The following KLF12 variants were observed in gnomAD, a reference collection of about 807,000 sequenced individuals.
The protein encoded by KLF12 is Krueppel-like factor 12.
Under a neutral mutation model 37.8 loss-of-function variants are expected in KLF12, and 9 were observed. That is an observed-to-expected ratio of 0.24 (90% CI 0.14 to 0.42). The LOEUF (loss-of-function observed/expected upper bound fraction) is 0.42. KLF12 is among the 10% of genes least tolerant of loss of function. The probability of loss-of-function intolerance (pLI) is 1.00; values close to 1 mark genes in which losing one functional copy is unlikely to be tolerated. For missense variants in KLF12, 411 were observed against 516.0 expected (o/e 0.80, Z 1.97); for synonymous variants, 208 against 202.1 (o/e 1.03, Z -0.25).
At chr13:73,698,722 G>A (rs761153249) in intron 7 of KLF12, among the ~76,000 whole-genome samples, 2 of 152,202 alleles carry the variant, frequency 1.3e-5, no homozygotes, top group Non-Finnish European at 2.9e-5. Flanking sequence ...AGATGGAAGA[G>A]TTGAATAGCT....
intron 1 of KLF12, among the ~76,000 whole-genome samples, chr13:74,037,771 T>C (rs1470773303): frequency 6.6e-6 from 1 of 152,194 alleles, no homozygotes; most frequent in Non-Finnish European, 1.5e-5. Context: ...ATGTGTAAAC[T>C]GATCATGGAT....
chr13:73,904,366 C>T (rs188234460), intron 3 of KLF12, among the ~76,000 whole-genome samples: 101 of 151,214 alleles, frequency 6.7e-4, no homozygotes, highest in African/African-American at 2.4e-3. Flanking sequence ...TTTAATCTAT[C>T]GTAAATGCAA....
At position 73,813,388 on chromosome 13, in the gene KLF12, A is replaced by G; in HGVS notation, c.671-101T>C. ...TATGGAACTTCTGTGCATATCATGC[A>G]AATGGAATTCTCTAGACATCACAGG... On this transcript the variant is annotated intron_variant, in intron 4 of 7. Transcript: ENST00000377669. 4 of 1,278,024 alleles carry G rather than the reference A, an allele frequency of 3.1e-6. No individual in the cohort carries two copies. The South Asian group carries it at 5.3e-5, about 17-fold the overall frequency. The allele number at this position is 1,278,024 out of a possible 1,614,324, so 79.2% of individuals were successfully genotyped here.
At chr13:73,777,833 T>C (rs1880712327) in intron 5 of KLF12, among the ~76,000 whole-genome samples, 1 of 152,044 alleles carries the variant, frequency 6.6e-6, no homozygotes, top group Non-Finnish European at 1.5e-5. Context: ...TCTGTCTTTT[T>C]TTTAAAGAAA....
At chr13:73,790,871 G>T (rs1881644100) in intron 5 of KLF12, among the ~76,000 whole-genome samples, 1 of 152,166 alleles carries the variant, frequency 6.6e-6, no homozygotes. Context: ...AGGAGTAAGG[G>T]CTCTCAGCCT....
At chr13:74,148,915 G>C in the KLF12 span, among the ~76,000 whole-genome samples, 1 of 150,928 alleles carries the variant, frequency 6.6e-6, no homozygotes, top group South Asian at 2.1e-4. Flanking sequence ...CCCGGGTTCA[G>C]GCAATTCTCC....
Position 73,715,511 on chromosome 13 carries a change from A to C in KLF12, c.884T>G (p.Phe295Cys). The C allele has an allele frequency of 6.2e-7, 1 of 1,613,354 alleles. No homozygotes were observed. The highest frequency in any genetic ancestry group is 8.5e-7 in the Non-Finnish European group (1 of 1,179,742). Residue 295 changes from phenylalanine to cysteine, a missense_variant, in exon 7 of 8, where the codon TTT becomes TGT. By Grantham distance (205) the Phe-to-Cys change is radical. Transcript: ENST00000377669. ...CTGGCGTCTTGTGCTCTCAATACTA[A>C]ATGGTGAAATTGAACTGGAAAAAGA...
intron 1 of KLF12, among the ~76,000 whole-genome samples, chr13:74,098,469 G>A (rs1876110481): frequency 6.6e-6 from 1 of 152,148 alleles, no homozygotes; most frequent in African/African-American, 2.4e-5. Context: ...TCTCATTCAG[G>A]TTCCTACCTC....
the KLF12 span, among the ~76,000 whole-genome samples, chr13:74,278,545 T>A: frequency 6.6e-6 from 1 of 152,200 alleles, no homozygotes; most frequent in East Asian, 1.9e-4. Flanking sequence ...GTCCACAGTG[T>A]CCTCCAAACA....
chr13:74,087,221 T>C (rs1220897712), intron 1 of KLF12, among the ~76,000 whole-genome samples: 1 of 151,996 alleles, frequency 6.6e-6, no homozygotes, highest in South Asian at 2.1e-4. Flanking sequence ...GAGTCTCAGA[T>C]AGAAACACAA....
At chr13:74,292,201 C>T in the KLF12 span, among the ~76,000 whole-genome samples, 12 of 152,198 alleles carry the variant, frequency 7.9e-5, no homozygotes, top group Non-Finnish European at 1.8e-4. Flanking sequence ...AGAGCTCTCT[C>T]TCTAGTAACA....
intron 7 of KLF12, among the ~76,000 whole-genome samples, chr13:73,714,617 A>AT (rs1237344979): frequency 6.6e-6 from 1 of 152,072 alleles, no homozygotes; most frequent in African/African-American, 2.4e-5. Context: ...CCCTCTTCCT[A>AT]TCTTCAGTCT....
At chr13:73,797,853 G>A (rs926511102) in intron 5 of KLF12, among the ~76,000 whole-genome samples, 4 of 146,426 alleles carry the variant, frequency 2.7e-5, no homozygotes, top group Admixed American at 6.9e-5. Context: ...CTCAAAACCC[G>A]CCACTAGAGG....
chr13:73,772,867 G>A (rs1263877304), intron 5 of KLF12, among the ~76,000 whole-genome samples: 1 of 148,356 alleles, frequency 6.7e-6, no homozygotes, highest in Non-Finnish European at 1.5e-5. Flanking sequence ...GACACAGCAG[G>A]AATGACGGTG....
At chr13:74,216,217 TA>T in the KLF12 span, among the ~76,000 whole-genome samples, 2 of 152,134 alleles carry the variant, frequency 1.3e-5, no homozygotes, top group African/African-American at 2.4e-5. Flanking sequence ...CTCTTTTTGT[TA>T]AAAAAACTTT....
At chr13:73,890,639 C>A (rs1245032602) in intron 3 of KLF12, among the ~76,000 whole-genome samples, 1 of 151,828 alleles carries the variant, frequency 6.6e-6, no homozygotes, top group African/African-American at 2.4e-5. Context: ...CACTAGGCCC[C>A]AGCAGACTAG....
At chr13:73,851,469 C>T (rs1369920669) in intron 3 of KLF12, among the ~76,000 whole-genome samples, 2 of 152,134 alleles carry the variant, frequency 1.3e-5, no homozygotes, top group Middle Eastern at 6.8e-3. Flanking sequence ...TAGATTGGCC[C>T]ACAGGAAGAT....
At chr13:74,012,057 C>A (rs1212026701) in intron 1 of KLF12, among the ~76,000 whole-genome samples, 1 of 152,126 alleles carries the variant, frequency 6.6e-6, no homozygotes, top group African/African-American at 2.4e-5. Context: ...CTAAACTCCC[C>A]AAAGACATGT....
intron 5 of KLF12, among the ~76,000 whole-genome samples, chr13:73,794,734 C>T (rs1881868671): frequency 6.6e-6 from 1 of 152,124 alleles, no homozygotes; most frequent in Non-Finnish European, 1.5e-5. Context: ...ATCTTTTCAC[C>T]ATCTTCAATT....
Sources: gnomAD v4.1 joint callset for allele counts (sites outside exome capture counted in the v4.1 genomes callset) on GRCh38, gnomAD v4.1.1 for gene constraint, MANE v1.5 for transcripts, NCBI Gene and HGNC (gene_info 2026-07-23, HGNC 2026-07-21) for gene names.